The following ELMO3 variants were observed in gnomAD, a reference collection of about 807,000 sequenced individuals.
The protein encoded by ELMO3 is engulfment and cell motility protein 3.
Under a neutral mutation model 89.0 loss-of-function variants are expected in ELMO3, and 81 were observed. The ratio of observed to expected loss-of-function variants is 0.91; its 90% CI spans 0.76 to 1.09. The LOEUF (loss-of-function observed/expected upper bound fraction) is 1.09. Ranked by LOEUF, ELMO3 falls within the 50% of genes least tolerant of loss-of-function variation. ELMO3 has a pLI of 0.00. For missense variants in ELMO3, 959 were observed against 972.8 expected, an observed-to-expected ratio of 0.99 and a Z score of 0.19; for synonymous variants, 406 against 400.6, an observed-to-expected ratio of 1.01 and a Z score of -0.16.
chr16:67,201,275 C>T (rs2033101608), intron 8 of ELMO3, 110 bp from the exon 9 acceptor site: 2 of 1,348,432 alleles, frequency 1.5e-6, no homozygotes, highest in South Asian at 1.2e-5. Flanking sequence ...GCCAGGTTGG[C>T]CTCCATCTCC....
Position 67,200,075 on chromosome 16 carries a change from G to GC in ELMO3, c.243+79dup, listed in dbSNP as rs2033063137. On this transcript the variant is annotated intron_variant, in intron 4 of 19. Transcript: ENST00000393997. ...GGTCCAGAGGCCCCCCGCCCCGGAG[G>GC]CCCCCGCCCCAGCCCTGCCTTGCGC... is the stretch of plus-strand genomic sequence containing the variant. 5 of 1,569,122 alleles carry GC rather than the reference G, an allele frequency of 3.2e-6. No individual in the cohort carries two copies. The Admixed American group carries it at 7.3e-5, about 23-fold the overall frequency.
chr16:67,203,652 G>A lies in ELMO3; in HGVS notation c.1951-13G>A, dbSNP rs374882061. On this transcript the variant is annotated splice_polypyrimidine_tract_variant and intron_variant, in intron 19 of 19. Coordinates refer to ENST00000393997, the MANE Select transcript of ELMO3 (RefSeq NM_024712.5). This position sits in a 1 kb window ranked among gnomAD's most constrained non-coding sequence, Gnocchi z 4.6. ...CAGATGGGCAGACCCTCACGGCTCT[G>A]TGCCACCCCCAGTTCTACCTGTGGA... is the stretch of plus-strand genomic sequence containing the variant. 8.0e-5 allele frequency: 129 copies of A among 1,613,642 alleles called. 2 individuals carry two copies. Among genetic ancestry groups the A allele is most frequent in the Non-Finnish European group, 1.1e-4 (126 of 1,179,900 alleles).
At chr16:67,201,136 C>T (rs1228530190) in intron 8 of ELMO3, among the ~76,000 whole-genome samples, 168 bp downstream of exon 8, 1 of 151,696 alleles carries the variant, frequency 6.6e-6, no homozygotes, top group Non-Finnish European at 1.5e-5. Context: ...AGCTCTGCCT[C>T]CCGGGTTCAC....
Position 67,203,235 on chromosome 16 carries a change from A to T in ELMO3, c.1780+12A>T. 5 of 1,600,680 alleles carry T rather than the reference A, an allele frequency of 3.1e-6. No homozygotes were observed. The highest frequency in any genetic ancestry group is 4.2e-6 in the Non-Finnish European group (5 of 1,176,764). The stretch of plus-strand genomic sequence containing the variant: ...TCTGCCCGAGCAACGTAAGGCGGGC[A>T]GGGGCGGGGGCCAGATACCTGCTCT... On this transcript the variant is annotated intron_variant, in intron 17 of 19. Transcript: ENST00000393997. The surrounding 1 kb of genome is among the most constrained non-coding windows in gnomAD (Gnocchi z 4.6).
At chr16:67,201,894 A>G (rs1412601940) in intron 11 of ELMO3, 21 bp downstream of exon 11, 2 of 1,599,358 alleles carry the variant, frequency 1.3e-6, no homozygotes, top group African/African-American at 1.3e-5. Flanking sequence ...CCCCTACCCA[A>G]CTCCCCACCC....
At chr16:67,202,121 G>T (rs759390236) in intron 12 of ELMO3, 43 bp downstream of exon 12, 1 of 1,609,708 alleles carries the variant, frequency 6.2e-7, no homozygotes, top group South Asian at 1.1e-5. Context: ...CATCCCCCAG[G>T]CAGGGTCCCC....
Position 67,200,670 on chromosome 16 carries a change from T to C in ELMO3, c.527T>C (p.Val176Ala), listed in dbSNP as rs573787084. 1.5e-5 allele frequency: 24 copies of C among 1,613,030 alleles called. No individual in the cohort carries two copies. The East Asian group carries it at 4.7e-4, about 31-fold the overall frequency. Reference protein sequence around the residue: ...IPFVRKVVCYVNMNLMDASVP... With the variant: ...IPFVRKVVCYANMNLMDASVP... ...CGCCCCTTACAGGTGGTGTGCTACG[T>C]GAACATGAACCTCATGGATGCCTCC... The change falls in exon 7 of 20, where the codon GTG becomes GCG. Residue 176 changes from valine to alanine, a missense_variant. Coordinates refer to ENST00000393997, the MANE Select transcript of ELMO3 (RefSeq NM_024712.5).
In ELMO3 at chr16:67,200,645, C is replaced by A; in HGVS notation, c.514-12C>A. The stretch of plus-strand genomic sequence containing the variant: ...CATGGGGGTGAGGTGGTGACACCCC[C>A]GCCCCTTACAGGTGGTGTGCTACGT... On this transcript the variant is annotated splice_polypyrimidine_tract_variant and intron_variant, in intron 6 of 19. Transcript: ENST00000393997. 1 of 1,610,874 alleles carries A rather than the reference C, an allele frequency of 6.2e-7. No individual in the cohort carries two copies.
rs758227837 is a variant in ELMO3, at chr16:67,200,709, C to T, written c.566C>T (p.Ala189Val). Residue 189 changes from alanine to valine, a missense_variant, in exon 7 of 20, where the codon GCC becomes GTC. Coordinates refer to ENST00000393997, the MANE Select transcript of ELMO3 (RefSeq NM_024712.5). ...NLMDASVPPLALGLLESVTLS... is the reference protein window; with the variant it reads ...NLMDASVPPLVLGLLESVTLS... ...ATGGATGCCTCCGTGCCTCCCCTGG[C>T]CCTTGGGCTGCTGGAGAGTGTGACC... The T allele has an allele frequency of 1.5e-5, 25 of 1,613,586 alleles. No homozygotes were observed. Among genetic ancestry groups the T allele is most frequent in the Non-Finnish European group, 1.9e-5 (23 of 1,180,000 alleles).
In ELMO3 at chr16:67,202,645, G is replaced by A; in HGVS notation, c.1417G>A (p.Glu473Lys). The A allele has an allele frequency of 6.2e-7, 1 of 1,613,588 alleles. No homozygotes were observed. The highest frequency in any genetic ancestry group is 1.3e-5 in the African/African-American group (1 of 75,040). The change falls in exon 15 of 20, where the codon GAG (glutamate) becomes AAG (lysine). Residue 473 changes from glutamate to lysine, a missense_variant. Coordinates refer to ENST00000393997, the MANE Select transcript of ELMO3 (RefSeq NM_024712.5). ...GCCCCAGGTCATGCAGGTGGTGCGG[G>A]AGCAGCTGGCCCGCACTCTGGCCCT... ...DFDKVMQVVR[E>K]QLARTLALKP...
chr16:67,202,651 C>G lies in ELMO3; in HGVS notation c.1423C>G (p.Leu475Val). ...DKVMQVVREQ[L>V]ARTLALKPTS... is the part of the protein sequence containing the mutation. ...GGTCATGCAGGTGGTGCGGGAGCAG[C>G]TGGCCCGCACTCTGGCCCTGAAGCC... Residue 475 changes from leucine to valine, a missense_variant, in exon 15 of 20, where the codon CTG becomes GTG. Transcript: ENST00000393997. The G allele has an allele frequency of 6.2e-7, 1 of 1,613,608 alleles. No homozygotes were observed. The highest frequency in any genetic ancestry group is 1.1e-5 in the South Asian group (1 of 91,078).
chr16:67,199,140 CT>C lies in ELMO3; in HGVS notation c.-186del. The C allele has an allele frequency of 6.3e-7, 1 of 1,599,588 alleles. No individual in the cohort carries two copies. The highest frequency in any genetic ancestry group is 1.1e-5 in the South Asian group (1 of 90,804). ...CCCCAGACTCCAACCCGGAACTAAC[CT>C]CGGCTCCCTTGGGAAGGCCGCGTTG... is the stretch of plus-strand genomic sequence containing the variant. On this transcript the variant is annotated 5_prime_UTR_variant, in exon 1 of 20. Transcript: ENST00000393997.
At position 67,203,978 on chromosome 16, in the gene ELMO3, G is replaced by C. The variant is rs1440262219; in HGVS notation, c.*101G>C. 6.4e-6 allele frequency: 7 copies of C among 1,092,202 alleles called. No individual in the cohort carries two copies. The highest frequency in any genetic ancestry group is 7.7e-6 in the Non-Finnish European group (6 of 782,972). The allele number at this position is 1,092,202 out of a possible 1,614,324, so 67.7% of individuals were successfully genotyped here. On this transcript the variant is annotated 3_prime_UTR_variant, in exon 20 of 20. Transcript: ENST00000393997. This position sits in a 1 kb window ranked among gnomAD's most constrained non-coding sequence, Gnocchi z 4.6. ...ACCCTGACCAGCAGAGATTGCTGCA[G>C]AAATAAAGTCTGCTTGGCTCTTGGG...
Position 67,199,736 on chromosome 16 carries a change from C to T in ELMO3, c.172C>T (p.Arg58Trp), listed in dbSNP as rs1390850096. 4 of 1,611,214 alleles carry T rather than the reference C, an allele frequency of 2.5e-6. No homozygotes were observed. The highest frequency in any genetic ancestry group is 2.5e-6 in the Non-Finnish European group (3 of 1,179,814). ...CGCCCTGCAGTTTGCGGATGGGCAC[C>T]GGAGATACATCACCGAGAATGTGAG... Reference protein sequence around the residue: ...RYALQFADGHRRYITENNRAE... With the variant: ...RYALQFADGHWRYITENNRAE... The change falls in exon 3 of 20, where the codon CGG (arginine) becomes TGG (tryptophan). Residue 58 changes from arginine to tryptophan, a missense_variant. Transcript: ENST00000393997.
rs1350679950 is a variant in ELMO3 at position 67,201,743 on chromosome 16, A to G, written c.920A>G (p.Glu307Gly). 1.2e-6 allele frequency: 2 copies of G among 1,609,764 alleles called. No individual in the cohort carries two copies. The highest frequency in any genetic ancestry group is 1.7e-5 in the Admixed American group (1 of 60,022). Residue 307 changes from glutamate (E) to glycine (G), a missense_variant and splice_region_variant, in exon 11 of 20, where the codon GAG (glutamate) becomes GGG (glycine). Glu to Gly is a moderately conservative substitution (Grantham distance 98, BLOSUM62 -2). Transcript: ENST00000393997. Reference sequence around the variant, plus strand: ...CCCGCCACCCAACACTGACCCCAGGAGCAGCGGGAGCAGCTGCAGGTCCTA... The same window carrying G: ...CCCGCCACCCAACACTGACCCCAGGGGCAGCGGGAGCAGCTGCAGGTCCTA... The part of the protein sequence containing the change: ...MRTPLDPYSQ[E>G]QREQLQVLRQ...
intron 12 of ELMO3, 48 bp from the exon 13 acceptor site, chr16:67,202,128 C>T: frequency 1.9e-6 from 3 of 1,608,094 alleles, no homozygotes; most frequent in Non-Finnish European, 2.5e-6. Context: ...CAGGCAGGGT[C>T]CCCATGGGCT....
At position 67,201,659 on chromosome 16, in the gene ELMO3, A is replaced by G. The variant is rs775233857; in HGVS notation, c.918+17A>G. 1.4e-5 allele frequency: 23 copies of G among 1,610,446 alleles called. No individual in the cohort carries two copies. Among genetic ancestry groups the G allele is most frequent in the Non-Finnish European group, 1.9e-5 (23 of 1,179,748 alleles). ...TACAGCCAGGTGTGTGTCTTTGGTG[A>G]GGACAAGGCAGGGGGTGGCTTAGAG... On this transcript the variant is annotated intron_variant, in intron 10 of 19. Transcript: ENST00000393997.
At chr16:67,202,351 G>A in intron 13 of ELMO3, 46 bp from the exon 14 acceptor site, 1 of 1,613,552 alleles carries the variant, frequency 6.2e-7, no homozygotes, top group Non-Finnish European at 8.5e-7. Context: ...AGGGCCAGGG[G>A]CTGTATGCAC....
Position 67,203,811 on chromosome 16 carries a change from AC to A in ELMO3, c.2102del (p.Pro701LeufsTer37). Reference sequence around the variant, plus strand: ...AGAACGTGCCCATCCCCGAGCGGCCACCCCCTGTGCCCCCACCCCCCACCAA... The same window carrying A: ...AGAACGTGCCCATCCCCGAGCGGCCACCCCTGTGCCCCCACCCCCCACCAA... ...LENVPIPERP[P>X]PVPPPPTNFN... On this transcript the variant is annotated frameshift_variant, in exon 20 of 20. Coordinates refer to ENST00000393997, the MANE Select transcript of ELMO3 (RefSeq NM_024712.5). LOFTEE classifies it high-confidence loss of function. This position sits in a 1 kb window ranked among gnomAD's most constrained non-coding sequence, Gnocchi z 4.6. 1 of 1,058,588 alleles carries A rather than the reference AC, an allele frequency of 9.4e-7. No homozygotes were observed. Among genetic ancestry groups the A allele is most frequent in the Non-Finnish European group, 1.4e-6 (1 of 732,196 alleles). The allele number at this position is 1,058,588 out of a possible 1,614,324, so 65.6% of individuals were successfully genotyped here. A position where few individuals can be genotyped will look rare whatever the true frequency, so the allele number is the denominator to read the frequency against.
Sources: allele counts gnomAD v4.1 joint callset (sites outside exome capture counted in the v4.1 genomes callset), GRCh38; gene constraint gnomAD v4.1.1; non-coding constraint Gnocchi (gnomAD v3.1); transcripts MANE v1.5; gene names NCBI Gene and HGNC (gene_info 2026-07-23, HGNC 2026-07-21).